The following SUCNR1 variants were observed in gnomAD, a reference collection of about 807,000 sequenced individuals.
SUCNR1 encodes the protein G-protein coupled receptor 91.
Under a neutral mutation model 2.4 loss-of-function variants are expected in SUCNR1, and 5 were observed. The observed-to-expected ratio is 2.07, with a 90% CI of 1.08 to 4.36. SUCNR1 has a LOEUF of 4.36. SUCNR1 is among the 30% of genes most tolerant of loss of function. The pLI is 0.00. For missense variants in SUCNR1, 373 were observed against 399.2 expected, an observed-to-expected ratio of 0.93 and a Z score of 0.56; for synonymous variants, 162 against 143.9, an observed-to-expected ratio of 1.13 and a Z score of -0.90.
intron 1 of SUCNR1, among the ~76,000 whole-genome samples, chr3:151,878,816 T>C (rs1398009979): frequency 6.6e-6 from 1 of 152,200 alleles, no homozygotes; most frequent in Non-Finnish European, 1.5e-5. Flanking sequence ...CTTATTTTCA[T>C]AAATAAAACA....
intron 2 of SUCNR1, among the ~76,000 whole-genome samples, 171 bp from the exon 3 acceptor site, chr3:151,880,388 T>C (rs1468688602): frequency 2.0e-5 from 3 of 151,952 alleles, no homozygotes; most frequent in African/African-American, 7.3e-5. Context: ...AAAAATTTGT[T>C]AAAATAATAC....
At chr3:151,878,262 T>C (rs1195548343) in intron 1 of SUCNR1, among the ~76,000 whole-genome samples, 1 of 152,128 alleles carries the variant, frequency 6.6e-6, no homozygotes, top group African/African-American at 2.4e-5. Context: ...GAGAGTTGTT[T>C]ATGTTGCTCC....
intron 1 of SUCNR1, among the ~76,000 whole-genome samples, chr3:151,874,040 T>C (rs1428277578): frequency 7.2e-6 from 1 of 139,780 alleles, no homozygotes; most frequent in Non-Finnish European, 1.5e-5. Context: ...TGGGGAAAAA[T>C]TAAAGTTCCT....
At position 151,884,052 on chromosome 3, in the gene SUCNR1, A is replaced by G. The variant is rs1472477519; in HGVS notation, c.*2504A>G. 1 of 152,166 alleles carries G rather than the reference A, an allele frequency of 6.6e-6. No individual in the cohort carries two copies. The allele number at this position is 152,166 out of a possible 1,614,324, so 9.4% of individuals were successfully genotyped here. ...CCCAAACCTAAAAGTAAAACTTTCT[A>G]CCACTGGGGCTTCAGATACTTTTAA... On this transcript the variant is annotated 3_prime_UTR_variant, in exon 3 of 3. Coordinates refer to ENST00000362032, the MANE Select transcript of SUCNR1 (RefSeq NM_033050.6).
Position 151,880,951 on chromosome 3 carries a change from A to G in SUCNR1, c.408A>G (p.Lys136=). 6.2e-7 allele frequency: 1 copy of G among 1,614,100 alleles called. No homozygotes were observed. Among genetic ancestry groups the G allele is most frequent in the South Asian group, 1.1e-5 (1 of 91,078 alleles). Residue 136 remains lysine, a synonymous_variant, in exon 3 of 3, where the codon AAA becomes AAG. Transcript: ENST00000362032. ...TCCGAGAACACCTTCTGCAAAAGAAAGAGTTTGCTATTTTAATCTCCTTGG... is the reference window on the plus strand; with the variant it reads ...TCCGAGAACACCTTCTGCAAAAGAAGGAGTTTGCTATTTTAATCTCCTTGG... ...YPFREHLLQK[K]EFAILISLAI...
intron 1 of SUCNR1, among the ~76,000 whole-genome samples, chr3:151,879,226 C>G (rs1176372674): frequency 1.3e-5 from 2 of 152,140 alleles, no homozygotes; most frequent in African/African-American, 4.8e-5. Context: ...TAGCAAGACT[C>G]TTGAGGTTTG....
chr3:151,875,340 A>G (rs1717890946), intron 1 of SUCNR1, among the ~76,000 whole-genome samples: 1 of 152,138 alleles, frequency 6.6e-6, no homozygotes, highest in Admixed American at 6.6e-5. Context: ...AACTTACTTC[A>G]TATGTTTATA....
chr3:151,880,464 C>T, intron 2 of SUCNR1, 95 bp from the exon 3 acceptor site: 1 of 864,822 alleles, frequency 1.2e-6, no homozygotes, highest in South Asian at 1.7e-5. Context: ...TATAGTTCAC[C>T]ATTCAAGTGT....
At position 151,880,571 on chromosome 3, in the gene SUCNR1, A is replaced by G. The variant is rs751575852; in HGVS notation, c.28A>G (p.Thr10Ala). 1 of 1,604,896 alleles carries G rather than the reference A, an allele frequency of 6.2e-7. No individual in the cohort carries two copies. Among genetic ancestry groups the G allele is most frequent in the East Asian group, 2.2e-5 (1 of 44,844 alleles). Reference protein sequence around the residue: MLGIMAWNATCKNWLAAEAA... With the variant: MLGIMAWNAACKNWLAAEAA... ...CTCTCTTCTTTAGGCATGGAATGCA[A>G]CTTGCAAAAACTGGCTGGCAGCAGA... The change falls in exon 3 of 3, where the codon ACT (threonine) becomes GCT (alanine). Residue 10 changes from threonine to alanine, a missense_variant. Thr to Ala is a moderately conservative substitution (Grantham distance 58, BLOSUM62 0). Coordinates refer to ENST00000362032, the MANE Select transcript of SUCNR1 (RefSeq NM_033050.6).
At chr3:151,880,012 C>A in intron 2 of SUCNR1, 105 bp downstream of exon 2, 1 of 763,664 alleles carries the variant, frequency 1.3e-6, no homozygotes, top group Non-Finnish European at 2.1e-6. Flanking sequence ...ATTTGTGTTT[C>A]CACCTTAATG....
intron 1 of SUCNR1, among the ~76,000 whole-genome samples, chr3:151,874,106 AC>A (rs1393577067): frequency 5.3e-5 from 7 of 131,136 alleles, no homozygotes; most frequent in Non-Finnish European, 1.1e-4. Context: ...ACACACACAC[AC>A]ACACACACAT....
chr3:151,874,108 ACACAC>A (rs1307617399), intron 1 of SUCNR1, among the ~76,000 whole-genome samples: 7 of 127,708 alleles, frequency 5.5e-5, no homozygotes, highest in Non-Finnish European at 1.1e-4. Context: ...ACACACACAC[ACACAC>A]ACATATACAT....
chr3:151,879,900 G>T lies in SUCNR1; in HGVS notation c.8G>T (p.Gly3Val). Residue 3 changes from glycine (G) to valine (V), a missense_variant, in exon 2 of 3, where the codon GGG (glycine) becomes GTG (valine). Gly to Val is a moderately radical substitution (Grantham distance 109). Transcript: ENST00000362032. The part of the protein sequence containing the change: ML[G>V]IMAWNATCKN... ...TTGTTGAACAACTACGACATGCTGG[G>T]GATCATGGTATGTTTAGAGACACAA... 6.3e-7 allele frequency: 1 copy of T among 1,579,192 alleles called. No individual in the cohort carries two copies. The highest frequency in any genetic ancestry group is 8.6e-7 in the Non-Finnish European group (1 of 1,162,114).
Position 151,880,860 on chromosome 3 carries a change from T to A in SUCNR1, c.317T>A (p.Leu106His). ...AACCGATATGTGCTTCATGCCAACC[T>A]CTATACCAGCATTCTCTTTCTCACT... Reference protein sequence around the residue: ...ISNRYVLHANLYTSILFLTFI... With the variant: ...ISNRYVLHANHYTSILFLTFI... Residue 106 changes from leucine (L) to histidine (H), a missense_variant, in exon 3 of 3, where the codon CTC becomes CAC. Leu to His is a moderately conservative substitution (Grantham distance 99). This residue lies in a region of SUCNR1 where 184 missense variants were observed against 162.2 expected (regional missense o/e 1.13). Transcript: ENST00000362032. The A allele has an allele frequency of 1.2e-6, 2 of 1,614,102 alleles. No homozygotes were observed. Among genetic ancestry groups the A allele is most frequent in the Non-Finnish European group, 1.7e-6 (2 of 1,180,000 alleles).
rs767813530 is a variant in SUCNR1 at position 151,879,884 on chromosome 3, A to T, written c.-9A>T. On this transcript the variant is annotated 5_prime_UTR_variant, in exon 2 of 3. Transcript: ENST00000362032. The stretch of plus-strand genomic sequence containing the variant: ...TTTAACTCAGCAGAATTTGTTGAAC[A>T]ACTACGACATGCTGGGGATCATGGT... 16 of 1,580,222 alleles carry T rather than the reference A, an allele frequency of 1.0e-5. No homozygotes were observed. In the South Asian group the frequency reaches 1.4e-4, roughly 14 times the overall value.
Position 151,881,065 on chromosome 3 carries a change from T to C in SUCNR1, c.522T>C (p.Asp174=). 1.9e-6 allele frequency: 3 copies of C among 1,614,156 alleles called. No homozygotes were observed. The highest frequency in any genetic ancestry group is 2.5e-6 in the Non-Finnish European group (3 of 1,180,026). Residue 174 remains aspartate (D), a synonymous_variant, in exon 3 of 3, where the codon GAT becomes GAC. Transcript: ENST00000362032. ...CTGACAATGGCACCACCTGTAATGATTTTGCAAGTTCTGGAGACCCCAACT... is the reference window on the plus strand; with the variant it reads ...CTGACAATGGCACCACCTGTAATGACTTTGCAAGTTCTGGAGACCCCAACT... ...VITDNGTTCN[D]FASSGDPNYN...
At chr3:151,880,447 T>C (rs1270431763) in intron 2 of SUCNR1, 112 bp from the exon 3 acceptor site, 1 of 776,170 alleles carries the variant, frequency 1.3e-6, no homozygotes, top group African/African-American at 1.8e-5. Flanking sequence ...TGATGTAACC[T>C]ACTTTCTATA....
At chr3:151,876,365 TA>T (rs1251035682) in intron 1 of SUCNR1, among the ~76,000 whole-genome samples, 3 of 151,694 alleles carry the variant, frequency 2.0e-5, no homozygotes, top group Non-Finnish European at 2.9e-5. Flanking sequence ...ACCATTGAGC[TA>T]AAAAAAATAA....
At chr3:151,874,726 T>C (rs1421865675) in intron 1 of SUCNR1, among the ~76,000 whole-genome samples, 2 of 152,174 alleles carry the variant, frequency 1.3e-5, no homozygotes, top group Non-Finnish European at 2.9e-5. Flanking sequence ...ATTTCTGGTG[T>C]AATGTATGGA....
Sources: gnomAD v4.1 joint callset for allele counts (sites outside exome capture counted in the v4.1 genomes callset) on GRCh38, gnomAD v4.1.1 for gene constraint, gnomAD v4.1.1 regional missense constraint, MANE v1.5 for transcripts, NCBI Gene and HGNC (gene_info 2026-07-23, HGNC 2026-07-21) for gene names.